The following NEK4 variants were observed in gnomAD, a reference collection of about 807,000 sequenced individuals.
NEK4 encodes the protein NIMA related kinase 4.
NEK4 carries 86 observed loss-of-function variants against 98.4 expected under a neutral mutation model. The ratio of observed to expected loss-of-function variants is 0.87; its 90% CI spans 0.73 to 1.05. The LOEUF is 1.05. Among genes scored for constraint, NEK4 ranks in the 50% least tolerant of loss-of-function variants. The pLI, the probability that NEK4 is intolerant of heterozygous loss-of-function variation, is 0.00. For synonymous variants in NEK4, 328 were observed against 342.2 expected (o/e 0.96, Z 0.46); for missense variants, 898 against 950.3 (o/e 0.94, Z 0.72).
At chr3:52,723,834 G>A (rs2097362229) in intron 15 of NEK4, among the ~76,000 whole-genome samples, 1 of 152,142 alleles carries the variant, frequency 6.6e-6, no homozygotes, top group African/African-American at 2.4e-5. Flanking sequence ...TTTGATGAAA[G>A]ACAAATATTT....
chr3:52,732,808 T>C (rs2097371208), intron 15 of NEK4: 2 of 239,860 alleles, frequency 8.3e-6, no homozygotes, highest in Middle Eastern at 4.9e-4. Context: ...ACAATCCAGA[T>C]GGCAGGGAAT....
At chr3:52,748,671 G>C (rs2097400311) in intron 8 of NEK4, among the ~76,000 whole-genome samples, 1 of 152,114 alleles carries the variant, frequency 6.6e-6, no homozygotes, top group Admixed American at 6.6e-5. Flanking sequence ...TAATTTCCCT[G>C]AGCCCAGTTT....
At chr3:52,745,939 T>C in intron 10 of NEK4, 122 bp downstream of exon 10, 1 of 876,832 alleles carries the variant, frequency 1.1e-6, no homozygotes. Flanking sequence ...CCCAGGCCAG[T>C]CTTGAACTCT....
chr3:52,760,273 G>A (rs751673831), intron 6 of NEK4, among the ~76,000 whole-genome samples: 28 of 152,060 alleles, frequency 1.8e-4, no homozygotes, highest in Non-Finnish European at 3.8e-4. Flanking sequence ...CTGGAGTGCA[G>A]TAGTGCAGTC....
In NEK4 at chr3:52,770,688, A is replaced by C; in HGVS notation, c.59T>G (p.Val20Gly). ...GTCCCGCCGGTGCTTCACAAGCGTC[A>C]CCTCTCCATAGCTCCCCTTGCCCAC... ...RVVGKGSYGEVTLVKHRRDGK... is the reference protein window; with the variant it reads ...RVVGKGSYGEGTLVKHRRDGK... The change falls in exon 1 of 16, where the codon GTG becomes GGG. Residue 20 changes from valine to glycine, a missense_variant. By Grantham distance (109) the Val-to-Gly change is moderately radical. Transcript: ENST00000233027. 6 of 1,573,934 alleles carry C rather than the reference A, an allele frequency of 3.8e-6. No individual in the cohort carries two copies. The highest frequency in any genetic ancestry group is 5.2e-6 in the Non-Finnish European group (6 of 1,161,038).
At position 52,752,251 on chromosome 3, in the gene NEK4, T is replaced by G; in HGVS notation, c.1049A>C (p.Lys350Thr). 1 of 1,614,222 alleles carries G rather than the reference T, an allele frequency of 6.2e-7. No homozygotes were observed. The highest frequency in any genetic ancestry group is 8.5e-7 in the Non-Finnish European group (1 of 1,180,038). The change falls in exon 7 of 16, where the codon AAA becomes ACA. Residue 350 changes from lysine (K) to threonine (T), a missense_variant. Transcript: ENST00000233027. ...TTCTGTGGTATTGCTCAAGTCCTGT[T>G]TGCAGGTATGGGCTTTCAGACTGGC... ...SPASLKAHTC[K>T]QDLSNTTELA...
At chr3:52,725,698 A>G (rs1023814458) in intron 15 of NEK4, among the ~76,000 whole-genome samples, 10 of 152,186 alleles carry the variant, frequency 6.6e-5, no homozygotes, top group African/African-American at 2.4e-4. Context: ...TATAATCTCC[A>G]TGGTAACCAC....
At chr3:52,764,214 G>A (rs1434839320) in intron 4 of NEK4, among the ~76,000 whole-genome samples, 1 of 151,484 alleles carries the variant, frequency 6.6e-6, no homozygotes, top group East Asian at 1.9e-4. Flanking sequence ...TTGAACCAGA[G>A]AGGTGGAGGT....
intron 15 of NEK4, chr3:52,733,711 C>T (rs531678022): frequency 1.4e-4 from 62 of 440,552 alleles, no homozygotes; most frequent in South Asian, 8.8e-4. Context: ...GCAAGGTCTT[C>T]GGACACAAGT....
rs541004367 is a variant in NEK4, at chr3:52,736,580, C to T, written c.2433+1006G>A. ...CAGCCTAGGTGACAGAGCGAGACTC[C>T]GTCTCATAAAAAAAAAAAAAAAAAG... On this transcript the variant is annotated intron_variant, in intron 15 of 15. Transcript: ENST00000233027. Among the ~76,000 whole-genome samples the T allele has an allele frequency of 1.3e-4, 19 of 149,880 alleles. No homozygotes were observed. In the South Asian group the frequency reaches 1.3e-3, roughly 10 times the overall value.
Position 52,710,973 on chromosome 3 carries a change from A to C in NEK4, c.*804T>G, listed in dbSNP as rs1312665787. On this transcript the variant is annotated 3_prime_UTR_variant, in exon 16 of 16. Transcript: ENST00000233027. ...AAAGACAACTAATATCTTACAGTAC[A>C]TGAAGACAAACTTCAGGAGACAAAC... 6.5e-6 allele frequency: 1 copy of C among 152,676 alleles called. No individual in the cohort carries two copies. The highest frequency in any genetic ancestry group is 1.5e-5 in the Non-Finnish European group (1 of 68,044). The allele number at this position is 152,676 out of a possible 1,614,324, so 9.5% of individuals were successfully genotyped here. A position where few individuals can be genotyped will look rare whatever the true frequency, so the allele number is the denominator to read the frequency against.
At chr3:52,751,243 C>G (rs2097404393) in intron 7 of NEK4, among the ~76,000 whole-genome samples, 1 of 152,120 alleles carries the variant, frequency 6.6e-6, no homozygotes, top group Non-Finnish European at 1.5e-5. Context: ...ATCACGAGGT[C>G]AGGAGATCGA....
At chr3:52,750,078 C>T (rs906200473) in intron 7 of NEK4, among the ~76,000 whole-genome samples, 1 of 152,124 alleles carries the variant, frequency 6.6e-6, no homozygotes, top group Non-Finnish European at 1.5e-5. Context: ...ACCATATGAC[C>T]CAGGAATTCT....
intron 15 of NEK4, among the ~76,000 whole-genome samples, chr3:52,724,157 C>T (rs909270770): frequency 1.3e-5 from 2 of 151,792 alleles, no homozygotes; most frequent in Non-Finnish European, 2.9e-5. Context: ...TGCTTGAACC[C>T]GGGAGACAGA....
Position 52,708,788 on chromosome 3 carries a change from T to G in NEK4, c.*2989A>C. On this transcript the variant is annotated 3_prime_UTR_variant, in exon 16 of 16. Transcript: ENST00000233027. ...AGCAGTAAAGGTTGTGCAGGTGATA[T>G]TCAGTAACACTGCAGTGTAGCCAGA... 6.6e-6 allele frequency: 1 copy of G among 151,964 alleles called. No homozygotes were observed. Among genetic ancestry groups the G allele is most frequent in the East Asian group, 1.9e-4 (1 of 5,196 alleles). The allele number at this position is 151,964 out of a possible 1,614,324, so 9.4% of individuals were successfully genotyped here.
intron 4 of NEK4, among the ~76,000 whole-genome samples, 153 bp downstream of exon 4, chr3:52,765,734 C>T (rs1235884100): frequency 6.6e-6 from 1 of 152,132 alleles, no homozygotes; most frequent in Non-Finnish European, 1.5e-5. Flanking sequence ...CTAGTCTGAC[C>T]TTCCCCACAG....
chr3:52,740,681 C>T lies in NEK4; in HGVS notation c.2093+730G>A, dbSNP rs548849315. Among the ~76,000 whole-genome samples, 3 of 152,054 alleles carry T rather than the reference C, an allele frequency of 2.0e-5. No individual in the cohort carries two copies. The South Asian group carries it at 6.2e-4, about 32-fold the overall frequency. ...GGGCGAGTGCCTGTAATCCCAGCTA[C>T]TCGGCGGGGCTGAGACAGGAGAATA... On this transcript the variant is annotated intron_variant, in intron 13 of 15. Transcript: ENST00000233027.
intron 15 of NEK4, among the ~76,000 whole-genome samples, chr3:52,724,582 T>C (rs1363967446): frequency 6.6e-6 from 1 of 152,102 alleles, no homozygotes; most frequent in South Asian, 2.1e-4. Flanking sequence ...TGAAGCTTTA[T>C]GAAGAAAGAA....
intron 6 of NEK4, chr3:52,753,640 GCCTTCTATT>G: frequency 1.7e-6 from 1 of 586,492 alleles, no homozygotes; most frequent in Non-Finnish European, 3.4e-6. Flanking sequence ...AGAAACAGCT[GCCTTCTATT>G]CCCAAAAATG....
Sources: gnomAD v4.1 joint callset for allele counts (sites outside exome capture counted in the v4.1 genomes callset) on GRCh38, gnomAD v4.1.1 for gene constraint, MANE v1.5 for transcripts, NCBI Gene and HGNC (gene_info 2026-07-23, HGNC 2026-07-21) for gene names.